The following CREB1 variants were observed in gnomAD, a reference collection of about 807,000 sequenced individuals.
CREB1 encodes the protein cyclic AMP-responsive element-binding protein 1.
A neutral mutation model predicts 42.0 loss-of-function variants in CREB1; 2 were observed. The ratio of observed to expected loss-of-function variants is 0.05; its 90% CI spans 0.02 to 0.15. The LOEUF is 0.15. CREB1 is among the 10% of genes least tolerant of loss of function. The pLI is 1.00. For synonymous variants in CREB1, 123 were observed against 139.9 expected (o/e 0.88, Z 0.85); for missense variants, 199 against 388.9 (o/e 0.51, Z 4.11).
At chr2:207,581,847 G>T in intron 7 of CREB1, 1 of 702,836 alleles carries the variant, frequency 1.4e-6, no homozygotes, top group South Asian at 1.5e-5. Context: ...TTCAGTCTGT[G>T]AAAGTTTGTT....
At chr2:207,554,998 G>A (rs1251769201) in intron 1 of CREB1, among the ~76,000 whole-genome samples, 1 of 152,130 alleles carries the variant, frequency 6.6e-6, no homozygotes, top group African/African-American at 2.4e-5. Context: ...GAGCCCAGGA[G>A]TTTGAGGTTG....
intron 1 of CREB1, among the ~76,000 whole-genome samples, chr2:207,542,960 T>A (rs1226255891): frequency 6.6e-6 from 1 of 152,194 alleles, no homozygotes; most frequent in African/African-American, 2.4e-5. Context: ...ACATTTTAAT[T>A]TGAAGCACAG....
At chr2:207,547,969 G>A (rs1053517219) in intron 1 of CREB1, among the ~76,000 whole-genome samples, 7 of 150,742 alleles carry the variant, frequency 4.6e-5, no homozygotes, top group Non-Finnish European at 7.4e-5. Context: ...CTCATTCACC[G>A]TGTCACCCAG....
chr2:207,532,467 G>C (rs2080684019), intron 1 of CREB1, among the ~76,000 whole-genome samples: 1 of 152,052 alleles, frequency 6.6e-6, no homozygotes, highest in African/African-American at 2.4e-5. Context: ...GAGGTCAAGA[G>C]ATCGAGACCA....
At chr2:207,540,689 A>G (rs2106367866) in intron 1 of CREB1, among the ~76,000 whole-genome samples, 1 of 150,348 alleles carries the variant, frequency 6.7e-6, no homozygotes, top group Middle Eastern at 3.4e-3. Context: ...AAAAAAAAAA[A>G]AAAAAAAAGG....
At chr2:207,566,080 G>T (rs966349620) in intron 3 of CREB1, among the ~76,000 whole-genome samples, 31 of 152,088 alleles carry the variant, frequency 2.0e-4, no homozygotes, top group Non-Finnish European at 3.7e-4. Context: ...TGATTTTTAG[G>T]TCTTTCAGAT....
chr2:207,593,946 T>C (rs1355136479), intron 7 of CREB1, among the ~76,000 whole-genome samples: 1 of 152,156 alleles, frequency 6.6e-6, no homozygotes, highest in African/African-American at 2.4e-5. Context: ...CTCAAACTCC[T>C]GGCCTCAAGT....
At chr2:207,564,720 G>A (rs1393660873) in intron 3 of CREB1, among the ~76,000 whole-genome samples, 2 of 151,974 alleles carry the variant, frequency 1.3e-5, no homozygotes, top group Admixed American at 6.6e-5. Flanking sequence ...ATATAAACAG[G>A]TAGTATGGGT....
chr2:207,577,392 T>C, intron 6 of CREB1, 113 bp from the exon 7 acceptor site: 2 of 1,364,434 alleles, frequency 1.5e-6, no homozygotes, highest in Middle Eastern at 3.8e-4. Flanking sequence ...AATCATCTTT[T>C]CTTTTTTGTT....
chr2:207,573,292 T>G (rs1307339494), intron 5 of CREB1, among the ~76,000 whole-genome samples: 1 of 152,256 alleles, frequency 6.6e-6, no homozygotes, highest in Non-Finnish European at 1.5e-5. Context: ...ACATAAACAT[T>G]ATAGAGAAAA....
In CREB1 at chr2:207,550,361, G is replaced by A. The variant is rs540148312; in HGVS notation, c.-8-5267G>A. ...TTTTTTTTTTTTTTTTTAAACCATA[G>A]CATGTGTTCCATTAGTTATGAATGT... On this transcript the variant is annotated intron_variant, in intron 1 of 7. Transcript: ENST00000353267. 4.2e-5 allele frequency: 6 copies of A among 143,978 alleles called. No individual in the cohort carries two copies. The South Asian group carries it at 1.3e-3, about 31-fold the overall frequency. 8.9% of individuals were successfully genotyped at this position (143,978 alleles called of 1,614,324 possible).
chr2:207,554,546 CT>C (rs2081639983), intron 1 of CREB1, among the ~76,000 whole-genome samples: 1 of 152,216 alleles, frequency 6.6e-6, no homozygotes, highest in African/African-American at 2.4e-5. Context: ...TTCCTGAATC[CT>C]TTAGACAGGA....
At chr2:207,573,691 C>G (rs2082460877) in intron 5 of CREB1, among the ~76,000 whole-genome samples, 1 of 152,178 alleles carries the variant, frequency 6.6e-6, no homozygotes, top group Non-Finnish European at 1.5e-5. Context: ...TGTGATCTTG[C>G]CACTGCACTC....
At position 207,572,705 on chromosome 2, in the gene CREB1, ACT is replaced by A. The variant is rs1387413985; in HGVS notation, c.505+2386_505+2387del. 2.6e-5 allele frequency among the ~76,000 whole-genome samples: 4 copies of A among 151,958 alleles called. No homozygotes were observed. In the East Asian group the frequency reaches 7.7e-4, roughly 29 times the overall value. On this transcript the variant is annotated intron_variant, in intron 5 of 7. Transcript: ENST00000353267. Reference sequence around the variant, plus strand: ...GTGGCGGGCACCTGTAGTCCCAGCTACTCGGGAGGCTGAGGCAGGAGAATGGT... The same window carrying A: ...GTGGCGGGCACCTGTAGTCCCAGCTACGGGAGGCTGAGGCAGGAGAATGGT...
intron 7 of CREB1, among the ~76,000 whole-genome samples, chr2:207,584,251 C>G (rs1222255675): frequency 2.6e-5 from 4 of 152,174 alleles, no homozygotes; most frequent in African/African-American, 9.7e-5. Context: ...TCCAAAATGG[C>G]TGTACCATTT....
chr2:207,561,087 C>G, intron 3 of CREB1: 1 of 1,607,112 alleles, frequency 6.2e-7, no homozygotes, highest in East Asian at 2.2e-5. Context: ...GCCATAACCC[C>G]AGCCTCCCAT....
rs1055171644 is a variant in CREB1 at position 207,601,781 on chromosome 2, G to A, written c.*4723G>A. The A allele has an allele frequency of 4.6e-5, 10 of 218,652 alleles. No individual in the cohort carries two copies. The highest frequency in any genetic ancestry group is 4.0e-4 in the Admixed American group (7 of 17,292). The allele number at this position is 218,652 out of a possible 1,614,324, so 13.5% of individuals were successfully genotyped here. On this transcript the variant is annotated 3_prime_UTR_variant, in exon 8 of 8. Transcript: ENST00000353267. ...CAGATGAGGAAGGAGAAAGTAAAGTGTGCATAGTAAGGCTGTAGGTGAAGA... is the reference window on the plus strand; with the variant it reads ...CAGATGAGGAAGGAGAAAGTAAAGTATGCATAGTAAGGCTGTAGGTGAAGA...
rs1036863484 is a variant in CREB1, at chr2:207,602,225, T to A, written c.*5167T>A. 6 of 185,446 alleles carry A rather than the reference T, an allele frequency of 3.2e-5. No homozygotes were observed. The highest frequency in any genetic ancestry group is 6.8e-5 in the Non-Finnish European group (6 of 87,672). The allele number at this position is 185,446 out of a possible 1,614,324, so 11.5% of individuals were successfully genotyped here. ...GTGTTTTAGCTTGAAATTTATTTTT[T>A]AAAAAAAGAAAAATTTAAAAAATAT... On this transcript the variant is annotated 3_prime_UTR_variant, in exon 8 of 8. Transcript: ENST00000353267.
chr2:207,554,023 C>T (rs944219165), intron 1 of CREB1, among the ~76,000 whole-genome samples: 1 of 151,856 alleles, frequency 6.6e-6, no homozygotes, highest in South Asian at 2.1e-4. Flanking sequence ...TAATTGTTTT[C>T]AGGGGTTTTT....
Sources: allele counts gnomAD v4.1 joint callset (sites outside exome capture counted in the v4.1 genomes callset), GRCh38; gene constraint gnomAD v4.1.1; transcripts MANE v1.5; gene names NCBI Gene and HGNC (gene_info 2026-07-23, HGNC 2026-07-21).